Variants in MMS19 observed in about 807,000 individuals in gnomAD.
MMS19 encodes MMS19 cytosolic iron-sulfur assembly component.
Under a neutral mutation model 129.8 loss-of-function variants are expected in MMS19, and 77 were observed. That is an observed-to-expected ratio of 0.59 (90% CI 0.49 to 0.72). MMS19 has a LOEUF of 0.72. MMS19 is among the 30% of genes least tolerant of loss of function. The pLI, the probability that MMS19 is intolerant of heterozygous loss-of-function variation, is 0.00. For missense variants in MMS19, 1,168 were observed against 1,266.3 expected (o/e 0.92, Z 1.18); for synonymous variants, 491 against 502.8 (o/e 0.98, Z 0.31).
intron 1 of MMS19, among the ~76,000 whole-genome samples, chr10:97,485,336 G>C (rs967721198): frequency 1.3e-5 from 2 of 151,086 alleles, no homozygotes; most frequent in Non-Finnish European, 2.9e-5. Context: ...TTTTGAGATG[G>C]AGTCTTGCTC....
At chr10:97,496,643 G>A (rs182760215) in intron 1 of MMS19, among the ~76,000 whole-genome samples, 86 of 151,708 alleles carry the variant, frequency 5.7e-4, no homozygotes, top group South Asian at 3.1e-3. Context: ...TATTGTTTTC[G>A]TATCGCATAA....
chr10:97,465,675 C>T, intron 18 of MMS19, 130 bp downstream of exon 18: 1 of 885,916 alleles, frequency 1.1e-6, no homozygotes, highest in Non-Finnish European at 1.7e-6. Context: ...ACGCAGGCAT[C>T]AGTATTTTTT....
Position 97,461,542 on chromosome 10 carries a change from GGTGGAAGAAAAGGGGCAGCT to G in MMS19, c.2245_2264del (p.Ser749ArgfsTer21), listed in dbSNP as rs1564619603. On this transcript the variant is annotated frameshift_variant, in exon 23 of 31. Transcript: ENST00000438925. LOFTEE classifies it high-confidence loss of function. Reference sequence around the variant, plus strand: ...GTCCTGCAAAGCACTTGGCAGCAGCGGTGGAAGAAAAGGGGCAGCTGTGGCAGCAGCTCAGTTCCAAAAGC... The same window carrying G: ...GTCCTGCAAAGCACTTGGCAGCAGCGGTGGCAGCAGCTCAGTTCCAAAAGC... 1 of 1,604,668 alleles carries G rather than the reference GGTGGAAGAAAAGGGGCAGCT, an allele frequency of 6.2e-7. No individual in the cohort carries two copies. Among genetic ancestry groups the G allele is most frequent in the Non-Finnish European group, 8.5e-7 (1 of 1,175,604 alleles).
chr10:97,475,261 AG>A (rs2035528145), intron 8 of MMS19, among the ~76,000 whole-genome samples: 1 of 152,040 alleles, frequency 6.6e-6, no homozygotes, highest in Non-Finnish European at 1.5e-5. Flanking sequence ...CATTGATTTT[AG>A]GGGGGTGGTG....
chr10:97,495,430 C>T (rs1023140041), intron 1 of MMS19, among the ~76,000 whole-genome samples: 8 of 152,200 alleles, frequency 5.3e-5, no homozygotes, highest in South Asian at 2.1e-4. Context: ...TTTAAATTTG[C>T]AGGCTGCTAC....
intron 1 of MMS19, among the ~76,000 whole-genome samples, chr10:97,497,835 C>G (rs1343692637): frequency 6.6e-6 from 1 of 152,212 alleles, no homozygotes; most frequent in Non-Finnish European, 1.5e-5. Flanking sequence ...TCTGCCACTC[C>G]CAGGATGCCA....
In MMS19 at chr10:97,477,381, A is replaced by G. The variant is rs758762056; in HGVS notation, c.459T>C (p.Asn153=). 3.7e-6 allele frequency: 6 copies of G among 1,613,940 alleles called. No individual in the cohort carries two copies. The South Asian group carries it at 5.5e-5, about 15-fold the overall frequency. Reference sequence around the variant, plus strand: ...GGGTTCGCATAAAATTGGTGATGATATTGTAGACTGTGTGTCGGTCCACCT... The same window carrying G: ...GGGTTCGCATAAAATTGGTGATGATGTTGTAGACTGTGTGTCGGTCCACCT... ...LPQVDRHTVY[N]IITNFMRTRE... Residue 153 remains asparagine, a synonymous_variant, in exon 6 of 31, where the codon AAT becomes AAC. Transcript: ENST00000438925.
rs766411386 is a variant in MMS19, at chr10:97,458,869, G to C, written c.2996C>G (p.Ala999Gly). The C allele has an allele frequency of 6.2e-7, 1 of 1,613,888 alleles. No homozygotes were observed. The highest frequency in any genetic ancestry group is 1.3e-5 in the African/African-American group (1 of 74,908). Residue 999 changes from alanine (A) to glycine (G), a missense_variant, in exon 30 of 31, where the codon GCC becomes GGC. Coordinates refer to ENST00000438925, the MANE Select transcript of MMS19 (RefSeq NM_022362.5). ...CTTGTCATCCAGGGGTTTGGCTAAGGCCCGAATCACCTGTGGTTTGTACGG... is the reference window on the plus strand; with the variant it reads ...CTTGTCATCCAGGGGTTTGGCTAAGCCCCGAATCACCTGTGGTTTGTACGG... ...LLPYKPQVIR[A>G]LAKPLDDKKR...
Position 97,477,080 on chromosome 10 carries a change from C to T in MMS19, c.494-117G>A, listed in dbSNP as rs2035909409. On this transcript the variant is annotated intron_variant, in intron 6 of 30. Transcript: ENST00000438925. ...CCTCCCCTTTCTCTTCAGGGCTGACCCTTTTTCCATTCCAAGAAAGTACTC... is the reference window on the plus strand; with the variant it reads ...CCTCCCCTTTCTCTTCAGGGCTGACTCTTTTTCCATTCCAAGAAAGTACTC... 5.2e-6 allele frequency: 8 copies of T among 1,538,428 alleles called. No homozygotes were observed. In the Admixed American group the frequency reaches 1.7e-4, roughly 33 times the overall value.
intron 2 of MMS19, among the ~76,000 whole-genome samples, chr10:97,483,382 C>T (rs1334882802): frequency 2.0e-5 from 3 of 152,024 alleles, no homozygotes; most frequent in African/African-American, 4.8e-5. Flanking sequence ...TTTAATGGAC[C>T]AAGGCCACCA....
At chr10:97,472,342 C>T (rs1353745497) in intron 8 of MMS19, among the ~76,000 whole-genome samples, 1 of 152,116 alleles carries the variant, frequency 6.6e-6, no homozygotes, top group Admixed American at 6.5e-5. Flanking sequence ...AGGATTCAAG[C>T]GATTCTCCTG....
chr10:97,477,082 T>C lies in MMS19; in HGVS notation c.494-119A>G, dbSNP rs182503914. The C allele has an allele frequency of 5.8e-5, 89 of 1,533,168 alleles. No homozygotes were observed. In the East Asian group the frequency reaches 2.0e-3, roughly 34 times the overall value. 95.0% of individuals were successfully genotyped at this position (1,533,168 alleles called of 1,614,324 possible). A position where few individuals can be genotyped will look rare whatever the true frequency, so the allele number is the denominator to read the frequency against. ...TCCCCTTTCTCTTCAGGGCTGACCC[T>C]TTTTCCATTCCAAGAAAGTACTCAG... On this transcript the variant is annotated intron_variant, in intron 6 of 30. Transcript: ENST00000438925.
At chr10:97,498,737 G>T, upstream of MMS19, 1 of 328,636 alleles carries the variant, frequency 3.0e-6, no homozygotes, top group Non-Finnish European at 5.6e-6. Flanking sequence ...AGCCCTAGGG[G>T]GCGGTGCTGT....
At chr10:97,476,489 TC>T (rs29001287) in intron 8 of MMS19, among the ~76,000 whole-genome samples, 193 bp downstream of exon 8, 1 of 152,118 alleles carries the variant, frequency 6.6e-6, no homozygotes, top group Non-Finnish European at 1.5e-5. Flanking sequence ...GCTTAAGAAT[TC>T]CCCCCAATAC....
At position 97,465,839 on chromosome 10, in the gene MMS19, A is replaced by G; in HGVS notation, c.1722T>C (p.Pro574=). The G allele has an allele frequency of 6.2e-7, 1 of 1,613,792 alleles. No individual in the cohort carries two copies. Among genetic ancestry groups the G allele is most frequent in the Non-Finnish European group, 8.5e-7 (1 of 1,179,894 alleles). Residue 574 remains proline (P), a synonymous_variant, in exon 18 of 31, where the codon CCT becomes CCC. Coordinates refer to ENST00000438925, the MANE Select transcript of MMS19 (RefSeq NM_022362.5). ...CTTGCCAGAGATGCTGCAGCAGCAG[A>G]GGCAGTGTCTCCTTGACGATGCTGG... ...THPSIVKETL[P]LLLQHLWQVN...
intron 1 of MMS19, among the ~76,000 whole-genome samples, chr10:97,493,437 G>A (rs2039277588): frequency 6.6e-6 from 1 of 152,184 alleles, no homozygotes; most frequent in Non-Finnish European, 1.5e-5. Context: ...CAGGTGTGGT[G>A]GCACGGGCCT....
At chr10:97,477,257 A>G (rs1193685515) in intron 6 of MMS19, 90 bp downstream of exon 6, 3 of 1,605,562 alleles carry the variant, frequency 1.9e-6, no homozygotes, top group African/African-American at 1.3e-5. Context: ...CAGCTCTTCT[A>G]TATAACCCCA....
chr10:97,461,501 G>A lies in MMS19; in HGVS notation c.2306C>T (p.Pro769Leu). The change falls in exon 23 of 31, where the codon CCT becomes CTT. Residue 769 changes from proline to leucine, a missense_variant. By Grantham distance (98) the Pro-to-Leu change is moderately conservative. Around this residue, in one of 3 missense-constraint regions of MMS19, gnomAD observed 831 missense variants for 910.8 expected, o/e 0.91. Coordinates refer to ENST00000438925, the MANE Select transcript of MMS19 (RefSeq NM_022362.5). ...KCFAGLLNKHPAGQQLDEFLQ... is the reference protein window; with the variant it reads ...KCFAGLLNKHLAGQQLDEFLQ... ...ACATAGTCTGATCTCAGTACCTGCA[G>A]GGTGCTTGTTGAGGAGTCCTGCAAA... The A allele has an allele frequency of 1.2e-6, 2 of 1,607,248 alleles. No homozygotes were observed. Among genetic ancestry groups the A allele is most frequent in the South Asian group, 2.2e-5 (2 of 89,438 alleles).
chr10:97,461,797 A>G (rs1483383580), intron 22 of MMS19, 31 bp downstream of exon 22: 1 of 1,595,142 alleles, frequency 6.3e-7, no homozygotes, highest in South Asian at 1.1e-5. Context: ...TCAAGGTTAA[A>G]TAACAGTACT....
Sources: gnomAD v4.1 joint callset for allele counts (sites outside exome capture counted in the v4.1 genomes callset) on GRCh38, gnomAD v4.1.1 for gene constraint, gnomAD v4.1.1 regional missense constraint, MANE v1.5 for transcripts, NCBI Gene and HGNC (gene_info 2026-07-23, HGNC 2026-07-21) for gene names.